The following ALMS1 variants were observed in gnomAD, a reference collection of about 807,000 sequenced individuals.
The protein encoded by ALMS1 is centrosome-associated protein ALMS1.
Under a neutral mutation model 352.2 loss-of-function variants are expected in ALMS1, and 271 were observed. The ratio of observed to expected loss-of-function variants is 0.77; its 90% CI spans 0.70 to 0.85. ALMS1 has a LOEUF of 0.85. Among genes scored for constraint, ALMS1 ranks in the 40% least tolerant of loss-of-function variants. ALMS1 has a pLI of 0.00. For missense variants in ALMS1, 5,445 were observed against 4,870.7 expected (o/e 1.12, Z -3.51); for synonymous variants, 1,865 against 1,761.2 (o/e 1.06, Z -1.48).
At chr2:73,524,148 T>C (rs1673741969) in intron 11 of ALMS1, among the ~76,000 whole-genome samples, 1 of 152,238 alleles carries the variant, frequency 6.6e-6, no homozygotes, top group African/African-American at 2.4e-5. Context: ...GATTCTAGAA[T>C]GGAAGGCTGA....
chr2:73,518,217 A>G (rs946757218), intron 10 of ALMS1, among the ~76,000 whole-genome samples: 2 of 151,552 alleles, frequency 1.3e-5, no homozygotes, highest in Non-Finnish European at 2.9e-5. Context: ...AGGATGCAGT[A>G]TTTGGTTTTC....
intron 10 of ALMS1, among the ~76,000 whole-genome samples, chr2:73,493,346 TACACACACAC>T (rs55857864): frequency 4.8e-5 from 7 of 144,418 alleles, no homozygotes; most frequent in African/African-American, 7.6e-5. Context: ...TAAGGCAAAC[TACACACACAC>T]ACACACACAC....
chr2:73,447,889 G>C, intron 7 of ALMS1, 71 bp from the exon 8 acceptor site: 1 of 1,394,490 alleles, frequency 7.2e-7, no homozygotes, highest in Non-Finnish European at 9.4e-7. Context: ...CTCAAAGCTG[G>C]CTTTTTTCCA....
chr2:73,385,948 A>AGCGGCGGC lies in ALMS1; in HGVS notation c.81_82insCGGCGGCG (p.Glu28ArgfsTer16). The AGCGGCGGC allele has an allele frequency of 7.7e-7, 1 of 1,290,642 alleles. No individual in the cohort carries two copies. 79.9% of individuals were successfully genotyped at this position (1,290,642 alleles called of 1,614,324 possible). On this transcript the variant is annotated frameshift_variant, in exon 1 of 23. Transcript: ENST00000613296. LOFTEE classifies it high-confidence loss of function. ...GAGGAGGAGGAGGAGGAGGAAGAGG[A>AGCGGCGGC]GGAGGCTGCAGCGGCGGCGGCGGCG...
At chr2:73,561,148 C>T (rs908021888) in intron 15 of ALMS1, among the ~76,000 whole-genome samples, 1 of 152,246 alleles carries the variant, frequency 6.6e-6, no homozygotes, top group Non-Finnish European at 1.5e-5. Flanking sequence ...CTAGGTTTGT[C>T]TAGGCACGGG....
At position 73,475,249 on chromosome 2, in the gene ALMS1, CAGT is replaced by C. The variant is rs1452556474; in HGVS notation, c.7675-14382_7675-14380del. On this transcript the variant is annotated intron_variant, in intron 9 of 22. Coordinates refer to ENST00000613296, the MANE Select transcript of ALMS1 (RefSeq NM_001378454.1). ...TCATTTCTCTTGGTTATATACCTAA[CAGT>C]AGAATTACTGGGACATACAGTAACT... is the stretch of plus-strand genomic sequence containing the variant. 2.6e-5 allele frequency among the ~76,000 whole-genome samples: 4 copies of C among 152,092 alleles called. No individual in the cohort carries two copies. The East Asian group carries it at 5.8e-4, about 22-fold the overall frequency.
chr2:73,585,726 C>CATTTTTTT (rs749192981), intron 16 of ALMS1, among the ~76,000 whole-genome samples: 3 of 119,554 alleles, frequency 2.5e-5, no homozygotes, highest in Admixed American at 8.7e-5. Context: ...ACTTCTTGGC[C>CATTTTTTT]TTTTTTTTTT....
At chr2:73,403,923 A>T (rs1670920663) in intron 1 of ALMS1, among the ~76,000 whole-genome samples, 1 of 152,124 alleles carries the variant, frequency 6.6e-6, no homozygotes. Flanking sequence ...TTTTTGAGAC[A>T]GAGTCTCACT....
At chr2:73,595,519 C>G (rs1175277449) in intron 16 of ALMS1, among the ~76,000 whole-genome samples, 1 of 152,130 alleles carries the variant, frequency 6.6e-6, no homozygotes, top group East Asian at 1.9e-4. Context: ...TATGGATATA[C>G]CACATTTTGC....
intron 7 of ALMS1, among the ~76,000 whole-genome samples, chr2:73,444,066 G>A (rs1671765077): frequency 1.3e-5 from 2 of 152,016 alleles, no homozygotes; most frequent in Admixed American, 1.3e-4. Flanking sequence ...CCAGTCTTTT[G>A]TTTAACCTTA....
intron 10 of ALMS1, among the ~76,000 whole-genome samples, chr2:73,516,474 A>C (rs1357559561): frequency 6.6e-6 from 1 of 152,208 alleles, no homozygotes; most frequent in East Asian, 1.9e-4. Flanking sequence ...AAATCATTCT[A>C]CTGAAAAAAC....
intron 12 of ALMS1, among the ~76,000 whole-genome samples, chr2:73,549,827 TTGTAG>T (rs1274709151): frequency 6.6e-6 from 1 of 152,126 alleles, no homozygotes; most frequent in Non-Finnish European, 1.5e-5. Context: ...ATCCTACCCA[TTGTAG>T]TGTAGTGTTT....
At chr2:73,429,912 C>T (rs907711495) in intron 6 of ALMS1, among the ~76,000 whole-genome samples, 1 of 152,058 alleles carries the variant, frequency 6.6e-6, no homozygotes, top group Non-Finnish European at 1.5e-5. Context: ...TCTTGGTCAT[C>T]TTTCATTCTT....
intron 10 of ALMS1, among the ~76,000 whole-genome samples, chr2:73,503,212 A>T (rs960704965): frequency 6.6e-6 from 1 of 151,958 alleles, no homozygotes; most frequent in Non-Finnish European, 1.5e-5. Context: ...CTCGTCATTT[A>T]GCATTAGGTA....
Position 73,484,807 on chromosome 2 carries a change from C to T in ALMS1, c.7675-4827C>T, listed in dbSNP as rs555638782. ...TCTTTTTTCTCTAAACTTCCCTTCT[C>T]GCTTCATTTCATTCATTTCTTCTTC... On this transcript the variant is annotated intron_variant, in intron 9 of 22. Transcript: ENST00000613296. 9.7e-4 allele frequency among the ~76,000 whole-genome samples: 147 copies of T among 152,316 alleles called. 1 individual carries two copies. The highest frequency in any genetic ancestry group is 3.2e-3 in the African/African-American group (131 of 41,556).
intron 6 of ALMS1, among the ~76,000 whole-genome samples, chr2:73,426,826 A>AT (rs999704884): frequency 1.3e-5 from 2 of 152,072 alleles, no homozygotes; most frequent in African/African-American, 4.8e-5. Context: ...TCTATTTGAC[A>AT]TTTTTTTCTG....
Position 73,385,901 on chromosome 2 carries a change from G to A in ALMS1, c.33G>A (p.Glu11=), listed in dbSNP as rs1217067369. The change falls in exon 1 of 23, where the codon GAG becomes GAA. Residue 11 remains glutamate (E), a synonymous_variant. Transcript: ENST00000613296. ...CCGAGGATCTGCCATGGCCGGGCGAGCTGGAGGAGGAGGAGGAGGAGGAGG... is the reference window on the plus strand; with the variant it reads ...CCGAGGATCTGCCATGGCCGGGCGAACTGGAGGAGGAGGAGGAGGAGGAGG... MEPEDLPWPG[E]LEEEEEEEEE... 3.4e-6 allele frequency: 3 copies of A among 879,426 alleles called. No homozygotes were observed. Among genetic ancestry groups the A allele is most frequent in the East Asian group, 2.7e-5 (1 of 36,710 alleles). 54.5% of individuals were successfully genotyped at this position (879,426 alleles called of 1,614,324 possible). A position where few individuals can be genotyped will look rare whatever the true frequency, so the allele number is the denominator to read the frequency against.
intron 1 of ALMS1, among the ~76,000 whole-genome samples, chr2:73,387,667 A>G (rs1348444120): frequency 6.6e-6 from 1 of 152,066 alleles, no homozygotes; most frequent in East Asian, 1.9e-4. Flanking sequence ...AGCTTTGGGG[A>G]GTTGAAGAAA....
intron 16 of ALMS1, among the ~76,000 whole-genome samples, chr2:73,584,995 TA>T (rs1267557685): frequency 6.6e-6 from 1 of 152,206 alleles, no homozygotes; most frequent in Non-Finnish European, 1.5e-5. Flanking sequence ...CCATGGTGTA[TA>T]TGTACCACAT....
Sources: allele counts gnomAD v4.1 joint callset (sites outside exome capture counted in the v4.1 genomes callset), GRCh38; gene constraint gnomAD v4.1.1; transcripts MANE v1.5; gene names NCBI Gene and HGNC (gene_info 2026-07-23, HGNC 2026-07-21).